The following COLEC11 variants were observed in gnomAD, a reference collection of about 807,000 sequenced individuals.
The protein encoded by COLEC11 is collectin subfamily member 11.
A neutral mutation model predicts 27.3 loss-of-function variants in COLEC11; 20 were observed. The observed-to-expected ratio is 0.73, with a 90% CI of 0.51 to 1.06. The LOEUF (loss-of-function observed/expected upper bound fraction) is 1.06, where lower values mean the gene tolerates loss of function less well. Ranked by LOEUF, COLEC11 falls within the 50% of genes least tolerant of loss-of-function variation. COLEC11 has a pLI of 0.00. For synonymous variants in COLEC11, 163 were observed against 154.7 expected, an observed-to-expected ratio of 1.05 and a Z score of -0.40; for missense variants, 310 against 383.0, an observed-to-expected ratio of 0.81 and a Z score of 1.59.
intron 3 of COLEC11, among the ~76,000 whole-genome samples, chr2:3,627,338 G>C: frequency 7.0e-6 from 1 of 142,520 alleles, no homozygotes; most frequent in Admixed American, 6.8e-5. Context: ...ATGACGATGG[G>C]GTGGATCTGG....
At chr2:3,619,545 A>G (rs1182393304) in intron 3 of COLEC11, among the ~76,000 whole-genome samples, 1 of 152,174 alleles carries the variant, frequency 6.6e-6, no homozygotes, top group Non-Finnish European at 1.5e-5. Flanking sequence ...TTTATTCTTC[A>G]TTCTGTTAAT....
intron 2 of COLEC11, among the ~76,000 whole-genome samples, chr2:3,608,866 C>G (rs1458086397): frequency 6.6e-6 from 1 of 152,348 alleles, no homozygotes; most frequent in South Asian, 2.1e-4. Context: ...GGTCCTGAAC[C>G]AGGGATTAAA....
intron 2 of COLEC11, among the ~76,000 whole-genome samples, chr2:3,609,837 A>AT (rs1236682302): frequency 6.6e-6 from 1 of 151,070 alleles, no homozygotes; most frequent in Non-Finnish European, 1.5e-5. Context: ...ACCCCTGCTA[A>AT]TTTTTTTGTA....
Position 3,613,534 on chromosome 2 carries a change from G to C in COLEC11, c.202+152G>C, listed in dbSNP as rs948821018. 5.4e-6 allele frequency: 4 copies of C among 737,886 alleles called. No homozygotes were observed. In the Admixed American group the frequency reaches 9.5e-5, roughly 18 times the overall value. The allele number at this position is 737,886 out of a possible 1,614,324, so 45.7% of individuals were successfully genotyped here. ...GGCAGACGGCATGGGACTTGGGTCG[G>C]GAGCAGGGAGGGGAGAGTGGTCCTT... On this transcript the variant is annotated intron_variant, in intron 3 of 6. Coordinates refer to ENST00000349077, the MANE Select transcript of COLEC11 (RefSeq NM_024027.5).
At chr2:3,616,084 T>G (rs1225419138) in intron 3 of COLEC11, among the ~76,000 whole-genome samples, 1 of 140,812 alleles carries the variant, frequency 7.1e-6, no homozygotes, top group Non-Finnish European at 1.5e-5. Flanking sequence ...CCAGACGGGG[T>G]GGCGGTCGGG....
At chr2:3,601,290 G>T (rs1032175011) in intron 1 of COLEC11, among the ~76,000 whole-genome samples, 1 of 152,014 alleles carries the variant, frequency 6.6e-6, no homozygotes, top group Non-Finnish European at 1.5e-5. Flanking sequence ...TGAGCTTTTG[G>T]ATTTTTCTTT....
In COLEC11 at chr2:3,602,431, A is replaced by T. The variant is rs1307524154; in HGVS notation, c.-26-1884A>T. Among the ~76,000 whole-genome samples the T allele has an allele frequency of 6.6e-6, 1 of 151,996 alleles. No homozygotes were observed. The highest frequency in any genetic ancestry group is 1.5e-5 in the Non-Finnish European group (1 of 68,026). On this transcript the variant is annotated intron_variant, in intron 1 of 6. Transcript: ENST00000349077. This position sits in a 1 kb window ranked among gnomAD's most constrained non-coding sequence, Gnocchi z 6.2. ...CCTGGCTGCTCAGAACAAAAGCTTT[A>T]ATCTTTGATTTCTCTCTGTCATTTC...
intron 3 of COLEC11, among the ~76,000 whole-genome samples, chr2:3,628,917 G>A (rs114304613): frequency 6.6e-6 from 1 of 152,222 alleles, no homozygotes; most frequent in Non-Finnish European, 1.5e-5. Context: ...TTCGTGCCCA[G>A]TGTGCCGGGT....
intron 1 of COLEC11, chr2:3,603,857 T>C: frequency 1.6e-6 from 1 of 611,346 alleles, no homozygotes. Context: ...TCCTTGTCTG[T>C]GAATGGAGCC....
chr2:3,634,036 A>G, intron 3 of COLEC11, among the ~76,000 whole-genome samples: 1 of 152,226 alleles, frequency 6.6e-6, no homozygotes. Flanking sequence ...CTGCCCTCAC[A>G]AACTCATCTT....
rs564298185 is a variant in COLEC11, at chr2:3,617,538, G to A, written c.202+4156G>A. 1.0e-4 allele frequency: 161 copies of A among 1,558,158 alleles called. No individual in the cohort carries two copies. In the African/African-American group the frequency reaches 1.3e-3, roughly 13 times the overall value. On this transcript the variant is annotated intron_variant, in intron 3 of 6. Coordinates refer to ENST00000349077, the MANE Select transcript of COLEC11 (RefSeq NM_024027.5). ...GGAATATACAGTGCATATTGGCGGC[G>A]CACGCCTCACTACGATTTGCCTGCT...
chr2:3,601,651 C>T (rs12990669), intron 1 of COLEC11, among the ~76,000 whole-genome samples: 1 of 152,148 alleles, frequency 6.6e-6, no homozygotes, highest in Non-Finnish European at 1.5e-5. Context: ...TGAGAGACGG[C>T]TTCAGCTTTA....
chr2:3,611,877 G>A (rs1663221402), intron 2 of COLEC11, among the ~76,000 whole-genome samples: 1 of 152,144 alleles, frequency 6.6e-6, no homozygotes, highest in Admixed American at 6.5e-5. Context: ...GGGCCACAAC[G>A]TGTGTGGGCG....
chr2:3,629,974 A>G (rs1429784305), intron 3 of COLEC11, among the ~76,000 whole-genome samples: 1 of 152,176 alleles, frequency 6.6e-6, no homozygotes, highest in East Asian at 1.9e-4. Context: ...GTGTGGTTGT[A>G]TTTATACATA....
chr2:3,637,354 C>T (rs1027150876), intron 3 of COLEC11, among the ~76,000 whole-genome samples, 179 bp from the exon 4 acceptor site: 1 of 152,234 alleles, frequency 6.6e-6, no homozygotes, highest in Admixed American at 6.5e-5. Flanking sequence ...CAACAGGCGA[C>T]CTGCCTGTGA....
rs576903829 is a variant in COLEC11 at position 3,626,430 on chromosome 2, G to C, written c.203-11103G>C. 1.1e-4 allele frequency among the ~76,000 whole-genome samples: 17 copies of C among 152,194 alleles called. No individual in the cohort carries two copies. The South Asian group carries it at 2.3e-3, about 20-fold the overall frequency. On this transcript the variant is annotated intron_variant, in intron 3 of 6. Transcript: ENST00000349077. ...TTTCTGTACCTGTAAAATGGGGGGT[G>C]GGGGGTGGGGATCTACCTCCCATGA...
intron 3 of COLEC11, among the ~76,000 whole-genome samples, chr2:3,631,918 C>G (rs1000580752): frequency 8.5e-5 from 13 of 152,202 alleles, no homozygotes; most frequent in African/African-American, 2.9e-4. Context: ...CCCGCAGTTC[C>G]TGGCCCGTGG....
chr2:3,598,614 G>C (rs1048097949), intron 1 of COLEC11, among the ~76,000 whole-genome samples: 3 of 152,180 alleles, frequency 2.0e-5, no homozygotes, highest in South Asian at 2.1e-4. Flanking sequence ...TCCGCTTTTC[G>C]GTTGCCCTTA....
At chr2:3,605,213 T>G (rs1662551447) in intron 2 of COLEC11, 4 of 421,750 alleles carry the variant, frequency 9.5e-6, no homozygotes, top group Non-Finnish European at 1.9e-5. Flanking sequence ...GACAGCAGAG[T>G]GTGTGCCAGT....
Sources: gnomAD v4.1 joint callset for allele counts (sites outside exome capture counted in the v4.1 genomes callset) on GRCh38, gnomAD v4.1.1 for gene constraint, Gnocchi (gnomAD v3.1) non-coding constraint, MANE v1.5 for transcripts, NCBI Gene and HGNC (gene_info 2026-07-23, HGNC 2026-07-21) for gene names.